The following PRKD2 variants were observed in gnomAD, a reference collection of about 807,000 sequenced individuals.
PRKD2 encodes the protein protein kinase D2, also known as serine/threonine-protein kinase D2.
PRKD2 carries 22 observed loss-of-function variants against 86.0 expected under a neutral mutation model. The ratio of observed to expected loss-of-function variants is 0.26; its 90% CI spans 0.18 to 0.37. The LOEUF (loss-of-function observed/expected upper bound fraction) is 0.37. Among genes scored for constraint, PRKD2 ranks in the 10% least tolerant of loss-of-function variants. The probability of loss-of-function intolerance (pLI) is 1.00; values close to 1 mark genes in which losing one functional copy is unlikely to be tolerated. For synonymous variants in PRKD2, 509 were observed against 510.9 expected (o/e 1.00, Z 0.05); for missense variants, 818 against 1,199.2 (o/e 0.68, Z 4.70).
At chr19:46,691,312 A>C (rs1244090622) in intron 12 of PRKD2, among the ~76,000 whole-genome samples, 5 of 152,056 alleles carry the variant, frequency 3.3e-5, no homozygotes, top group Non-Finnish European at 7.3e-5. Flanking sequence ...AGAATCTAGG[A>C]TCTAGCTCTG....
chr19:46,680,946 A>ATATATATATATATATTTTTTT, intron 15 of PRKD2, among the ~76,000 whole-genome samples: 6 of 48,252 alleles, frequency 1.2e-4, no homozygotes, highest in Non-Finnish European at 1.6e-4. Context: ...ATATATATAT[A>ATATATATATATATATTTTTTT]TTTTTTTTTT....
intron 15 of PRKD2, among the ~76,000 whole-genome samples, chr19:46,680,815 C>T (rs1043488332): frequency 2.0e-5 from 3 of 148,102 alleles, no homozygotes; most frequent in African/African-American, 7.5e-5. Flanking sequence ...GCCGTCTTCC[C>T]ATCTTGGCCT....
intron 5 of PRKD2, among the ~76,000 whole-genome samples, chr19:46,703,766 C>A (rs569465889): frequency 7.0e-6 from 1 of 141,862 alleles, no homozygotes; most frequent in Non-Finnish European, 1.5e-5. Context: ...AGTGAGACTC[C>A]GTCTCAAAAA....
chr19:46,703,599 G>C (rs1490313206), intron 5 of PRKD2, among the ~76,000 whole-genome samples: 5 of 151,852 alleles, frequency 3.3e-5, no homozygotes, highest in African/African-American at 9.7e-5. Context: ...GTGAAACCCC[G>C]TCTCTACTAA....
At chr19:46,681,839 C>A in intron 14 of PRKD2, 91 bp from the exon 15 acceptor site, 6 of 486,012 alleles carry the variant, frequency 1.2e-5, no homozygotes, top group Non-Finnish European at 1.5e-5. Flanking sequence ...CCCATCCATA[C>A]TTTTTTTTTT....
rs2053685531 is a variant in PRKD2, at chr19:46,704,594, A to G, written c.567T>C (p.Ser189=). Reference sequence around the variant, plus strand: ...ATGACAGGCGCCGTTTGCGGGCCCCACTACAGTTGTTGGGGATGCTGAAGG... The same window carrying G: ...ATGACAGGCGCCGTTTGCGGGCCCCGCTACAGTTGTTGGGGATGCTGAAGG... The part of the protein sequence containing the change: ...RCAFSIPNNC[S]GARKRRLSST... The change falls in exon 4 of 18, where the codon AGT becomes AGC. Residue 189 remains serine, a synonymous_variant. Transcript: ENST00000291281. 3 of 1,613,736 alleles carry G rather than the reference A, an allele frequency of 1.9e-6. No homozygotes were observed. The South Asian group carries it at 3.3e-5, about 18-fold the overall frequency.
intron 3 of PRKD2, among the ~76,000 whole-genome samples, chr19:46,707,999 G>A (rs2053740466): frequency 6.6e-6 from 1 of 152,048 alleles, no homozygotes; most frequent in African/African-American, 2.4e-5. Context: ...TCGGTAGGCT[G>A]AGGCAGGAGA....
chr19:46,696,141 G>C (rs2053553965), intron 9 of PRKD2, among the ~76,000 whole-genome samples: 1 of 152,088 alleles, frequency 6.6e-6, no homozygotes, highest in Admixed American at 6.6e-5. Flanking sequence ...GCCTGGCCAA[G>C]GACAGCATTT....
At position 46,694,145 on chromosome 19, in the gene PRKD2, G is replaced by A. The variant is rs752909252; in HGVS notation, c.1318-12C>T. 13 of 1,612,668 alleles carry A rather than the reference G, an allele frequency of 8.1e-6. No individual in the cohort carries two copies. In the South Asian group the frequency reaches 1.1e-4, roughly 14 times the overall value. On this transcript the variant is annotated splice_polypyrimidine_tract_variant and intron_variant, in intron 9 of 17. Transcript: ENST00000291281. ...GACAGCGGAATTTCCTGCAGGACGT[G>A]GAACCAGCACAGGTGAGGATGCCAG...
At chr19:46,680,947 T>TATA (rs1555826536) in intron 15 of PRKD2, among the ~76,000 whole-genome samples, 97 of 33,222 alleles carry the variant, frequency 2.9e-3, no homozygotes, top group East Asian at 0.014. Context: ...TATATATATA[T>TATA]TTTTTTTTTT....
intron 5 of PRKD2, among the ~76,000 whole-genome samples, chr19:46,703,120 C>CTAA (rs2053657479): frequency 6.6e-6 from 1 of 152,258 alleles, no homozygotes; most frequent in East Asian, 1.9e-4. Flanking sequence ...GTTTCTATTA[C>CTAA]CCTCAAATCC....
chr19:46,714,131 T>G, intron 1 of PRKD2, 130 bp from the exon 2 acceptor site: 1 of 1,413,578 alleles, frequency 7.1e-7, no homozygotes, highest in Non-Finnish European at 9.3e-7. Context: ...AGGCCCTCGC[T>G]TCCTGCCTGC....
chr19:46,700,773 G>C (rs758000796), intron 7 of PRKD2, 26 bp downstream of exon 7: 1 of 1,595,870 alleles, frequency 6.3e-7, no homozygotes, highest in Non-Finnish European at 8.6e-7. Context: ...CTTCCCCCAG[G>C]GTCTCTTGGA....
chr19:46,704,697 G>T, intron 3 of PRKD2, 48 bp from the exon 4 acceptor site: 1 of 1,544,244 alleles, frequency 6.5e-7, no homozygotes. Context: ...GCCCCTCCTA[G>T]GTCTCTTCTT....
chr19:46,684,744 C>G (rs1568717511), intron 14 of PRKD2, among the ~76,000 whole-genome samples: 1 of 151,998 alleles, frequency 6.6e-6, no homozygotes, highest in Non-Finnish European at 1.5e-5. Context: ...GCGGGCAGAT[C>G]ACGAGATCAA....
At chr19:46,682,648 TCCTGAATG>T (rs2053324742) in intron 14 of PRKD2, among the ~76,000 whole-genome samples, 1 of 151,494 alleles carries the variant, frequency 6.6e-6, no homozygotes, top group Non-Finnish European at 1.5e-5. Context: ...TGTGGTAAAC[TCCTGAATG>T]CTACTGACAG....
At chr19:46,674,862 CA>C in intron 17 of PRKD2, 127 bp from the exon 18 acceptor site, 1 of 1,207,388 alleles carries the variant, frequency 8.3e-7, no homozygotes, top group South Asian at 1.5e-5. Flanking sequence ...CCCACCCAGC[CA>C]GTAGACATTT....
rs762146805 is a variant in PRKD2 at position 46,674,710 on chromosome 19, C to T, written c.2450G>A (p.Arg817Gln). The T allele has an allele frequency of 2.5e-6, 4 of 1,605,432 alleles. No individual in the cohort carries two copies. The highest frequency in any genetic ancestry group is 2.5e-6 in the Non-Finnish European group (3 of 1,179,904). The change falls in exon 18 of 18, where the codon CGA becomes CAA. Residue 817 changes from arginine to glutamine, a missense_variant. Arg to Gln is a conservative substitution (Grantham distance 43). Coordinates refer to ENST00000291281, the MANE Select transcript of PRKD2 (RefSeq NM_016457.5). ...CTCTCCCATCTTCCCCTCCAGCTCT[C>T]GGAGGTCCAGCCACGTCTGGTACTC... ...LQEYQTWLDL[R>Q]ELEGKMGERY...
chr19:46,674,609 G>T lies in PRKD2; in HGVS notation c.2551C>A (p.Leu851Met), dbSNP rs770521796. The T allele has an allele frequency of 8.1e-6, 13 of 1,610,062 alleles. No homozygotes were observed. In the South Asian group the frequency reaches 1.4e-4, roughly 18 times the overall value. The change falls in exon 18 of 18, where the codon CTG becomes ATG. Residue 851 changes from leucine (L) to methionine (M), a missense_variant. Leu to Met is a conservative substitution (Grantham distance 15). Coordinates refer to ENST00000291281, the MANE Select transcript of PRKD2 (RefSeq NM_016457.5). ...AAEHPLPGSG[L>M]PTDRDLGGAC... ...CCACCGAGATCCCTGTCCGTGGGCA[G>T]CCCAGACCCAGGCAGCGGATGCTCT...
Sources: allele counts gnomAD v4.1 joint callset (sites outside exome capture counted in the v4.1 genomes callset), GRCh38; gene constraint gnomAD v4.1.1; transcripts MANE v1.5; gene names NCBI Gene and HGNC (gene_info 2026-07-23, HGNC 2026-07-21).